AP1G1: variants seen among roughly 807,000 people sequenced by gnomAD.
The protein encoded by AP1G1 is AP-1 complex subunit gamma-1.
In AP1G1, 7 loss-of-function variants were observed where a neutral mutation model predicts 108.3. That is an observed-to-expected ratio of 0.06 (90% confidence interval 0.04 to 0.12). The LOEUF (loss-of-function observed/expected upper bound fraction) is 0.12, where lower values mean the gene tolerates loss of function less well. Among genes scored for constraint, AP1G1 ranks in the 10% least tolerant of loss-of-function variants. The pLI, the probability that AP1G1 is intolerant of heterozygous loss-of-function variation, is 1.00. For synonymous variants in AP1G1, 379 were observed against 353.5 expected (o/e 1.07, Z -0.81); for missense variants, 756 against 1,010.7 (o/e 0.75, Z 3.42).
intron 10 of AP1G1, 112 bp from the exon 11 acceptor site, chr16:71,759,033 T>A: frequency 6.2e-6 from 4 of 641,298 alleles, no homozygotes; most frequent in Non-Finnish European, 8.0e-6. Context: ...AAGCATACAT[T>A]TTTATTTAAA....
At chr16:71,749,468 AGT>A (rs755737708) in intron 15 of AP1G1, among the ~76,000 whole-genome samples, 5 of 145,120 alleles carry the variant, frequency 3.4e-5, no homozygotes, top group Non-Finnish European at 7.5e-5. Flanking sequence ...TGGGTGACAG[AGT>A]GAGACTCTAT....
At chr16:71,761,816 CA>C (rs375647068) in intron 9 of AP1G1, among the ~76,000 whole-genome samples, 1,685 of 44,846 alleles carry the variant, frequency 0.038, 15 homozygotes, top group African/African-American at 0.12. Flanking sequence ...GACTCCATCT[CA>C]AAAAAAAAAA....
At chr16:71,737,456 T>G (rs1284097485) in intron 21 of AP1G1, among the ~76,000 whole-genome samples, 1 of 152,154 alleles carries the variant, frequency 6.6e-6, no homozygotes, top group Non-Finnish European at 1.5e-5. Context: ...GCTAATTTTT[T>G]GTATTTTTGG....
intron 19 of AP1G1, among the ~76,000 whole-genome samples, chr16:71,739,783 G>A (rs1379183961): frequency 6.6e-6 from 1 of 150,386 alleles, no homozygotes; most frequent in Non-Finnish European, 1.5e-5. Context: ...AGAGCCCACA[G>A]ACAGGAGAAA....
intron 6 of AP1G1, among the ~76,000 whole-genome samples, chr16:71,766,820 A>G (rs1202034202): frequency 3.3e-5 from 5 of 152,258 alleles, no homozygotes; most frequent in African/African-American, 9.6e-5. Context: ...AAGTTGAGCC[A>G]TAACAGTTTG....
intron 19 of AP1G1, among the ~76,000 whole-genome samples, chr16:71,744,699 C>T (rs756310912): frequency 3.3e-5 from 5 of 151,536 alleles, no homozygotes; most frequent in African/African-American, 4.9e-5. Flanking sequence ...CCTCAGCCTC[C>T]GGAGTAGCTG....
At chr16:71,736,609 C>T (rs993612823) in intron 21 of AP1G1, among the ~76,000 whole-genome samples, 3 of 119,356 alleles carry the variant, frequency 2.5e-5, no homozygotes, top group Non-Finnish European at 3.4e-5. Flanking sequence ...TTTTTTGAGA[C>T]GAGTCTCGCT....
At chr16:71,788,131 C>T (rs1248362134) in intron 2 of AP1G1, among the ~76,000 whole-genome samples, 1 of 152,050 alleles carries the variant, frequency 6.6e-6, no homozygotes, top group African/African-American at 2.4e-5. Context: ...AGATTAAATC[C>T]CAGTACTTTT....
chr16:71,801,946 G>GA (rs1031961523), intron 1 of AP1G1, among the ~76,000 whole-genome samples: 9 of 145,296 alleles, frequency 6.2e-5, no homozygotes, highest in Admixed American at 3.4e-4. Context: ...AAAAAGAAAA[G>GA]AAAAAAATGC....
intron 19 of AP1G1, among the ~76,000 whole-genome samples, 152 bp downstream of exon 19, chr16:71,744,985 CAACATAT>C (rs2030095873): frequency 1.3e-5 from 2 of 152,172 alleles, no homozygotes. Flanking sequence ...TATTAGTATA[CAACATAT>C]AACCCGGATA....
intron 16 of AP1G1, chr16:71,747,192 A>C (rs1222154257): frequency 6.6e-6 from 1 of 152,322 alleles, no homozygotes; most frequent in Non-Finnish European, 1.5e-5. Flanking sequence ...CAGAAAGACT[A>C]CAAGAACTAC....
At chr16:71,797,005 T>TA (rs905057375) in intron 1 of AP1G1, among the ~76,000 whole-genome samples, 28 of 131,888 alleles carry the variant, frequency 2.1e-4, no homozygotes, top group African/African-American at 6.6e-4. Flanking sequence ...CCCTGACTCT[T>TA]AAAAAAAAAA....
At chr16:71,792,362 G>T (rs933939150) in intron 1 of AP1G1, among the ~76,000 whole-genome samples, 3 of 152,110 alleles carry the variant, frequency 2.0e-5, no homozygotes, top group Non-Finnish European at 4.4e-5. Flanking sequence ...AACATATGTG[G>T]AGAAGGGCAA....
At chr16:71,775,584 T>C (rs1032385851) in intron 2 of AP1G1, among the ~76,000 whole-genome samples, 1 of 152,136 alleles carries the variant, frequency 6.6e-6, no homozygotes, top group Non-Finnish European at 1.5e-5. Flanking sequence ...TAAGGTATAG[T>C]TCCATTTTGG....
intron 11 of AP1G1, 121 bp from the exon 12 acceptor site, chr16:71,756,280 T>C (rs935935259): frequency 3.9e-6 from 3 of 767,470 alleles, no homozygotes; most frequent in African/African-American, 3.6e-5. Flanking sequence ...TTGCACGATC[T>C]TGTGATCCCA....
At chr16:71,744,655 A>T (rs1597039423) in intron 19 of AP1G1, among the ~76,000 whole-genome samples, 1 of 140,216 alleles carries the variant, frequency 7.1e-6, no homozygotes, top group East Asian at 2.2e-4. Context: ...GGCTCACTGC[A>T]ACCTCCGTCT....
intron 13 of AP1G1, among the ~76,000 whole-genome samples, chr16:71,750,862 C>G (rs1453852633): frequency 6.6e-6 from 1 of 151,700 alleles, no homozygotes; most frequent in Non-Finnish European, 1.5e-5. Context: ...TAAAAATTTT[C>G]TCTTTGTCCA....
At chr16:71,782,485 A>ATTG (rs1006873120) in intron 2 of AP1G1, among the ~76,000 whole-genome samples, 2 of 149,910 alleles carry the variant, frequency 1.3e-5, no homozygotes, top group Non-Finnish European at 3.0e-5. Flanking sequence ...TATTATTATT[A>ATTG]TTATTTTTAT....
At position 71,753,093 on chromosome 16, in the gene AP1G1, C is replaced by G. The variant is rs180726665; in HGVS notation, c.1284+740G>C. 7.9e-5 allele frequency among the ~76,000 whole-genome samples: 12 copies of G among 152,174 alleles called. No individual in the cohort carries two copies. In the East Asian group the frequency reaches 2.3e-3, roughly 29 times the overall value. On this transcript the variant is annotated intron_variant, in intron 13 of 22. Transcript: ENST00000299980. ...AATTTTAATATGGTTAAATTTGTGG[C>G]TTTTCCTTTACAGTAGCTACTTCTA...
Sources: gnomAD v4.1 joint callset for allele counts (sites outside exome capture counted in the v4.1 genomes callset) on GRCh38, gnomAD v4.1.1 for gene constraint, MANE v1.5 for transcripts, NCBI Gene and HGNC (gene_info 2026-07-23, HGNC 2026-07-21) for gene names.